The following RSF1 variants were observed in gnomAD, a reference collection of about 807,000 sequenced individuals.
The protein encoded by RSF1 is remodeling and spacing factor 1.
RSF1 carries 13 observed loss-of-function variants against 145.2 expected under a neutral mutation model. The observed-to-expected ratio is 0.09, with a 90% CI of 0.06 to 0.14. The LOEUF (loss-of-function observed/expected upper bound fraction) is 0.14. RSF1 is among the 10% of genes least tolerant of loss of function. The pLI is 1.00. For synonymous variants in RSF1, 577 were observed against 592.6 expected (o/e 0.97, Z 0.38); for missense variants, 1,517 against 1,718.2 (o/e 0.88, Z 2.07).
At chr11:77,819,978 T>C (rs1948835040) in intron 1 of RSF1, among the ~76,000 whole-genome samples, 1 of 151,264 alleles carries the variant, frequency 6.6e-6, no homozygotes, top group Non-Finnish European at 1.5e-5. Context: ...CTCAGGGGAG[T>C]TCCCAACAGA....
chr11:77,869,729 C>T, the RSF1 span: 9 of 1,613,730 alleles, frequency 5.6e-6, no homozygotes, highest in Middle Eastern at 1.6e-4. Flanking sequence ...CAGCATTCTC[C>T]TGGTGTGCAG....
chr11:77,794,242 A>G (rs1211760117), intron 1 of RSF1, among the ~76,000 whole-genome samples: 1 of 152,238 alleles, frequency 6.6e-6, no homozygotes, highest in African/African-American at 2.4e-5. Flanking sequence ...CCTTCTTCTC[A>G]TCAGCACGTG....
intron 5 of RSF1, among the ~76,000 whole-genome samples, chr11:77,719,658 C>T (rs1329052979): frequency 2.6e-5 from 4 of 152,068 alleles, no homozygotes; most frequent in Non-Finnish European, 5.9e-5. Flanking sequence ...TAACATTCAC[C>T]GCTGCATTAT....
rs1959221107 is a variant in RSF1 at position 77,660,436 on chromosome 11, A to T, written c.*6481T>A. ...CCCCCCACCCCCACACACATGCAGT[A>T]CATTATGTGACAGAGAGCACTCCAG... On this transcript the variant is annotated 3_prime_UTR_variant, in exon 16 of 16. Coordinates refer to ENST00000308488, the MANE Select transcript of RSF1 (RefSeq NM_016578.4). The T allele has an allele frequency of 7.1e-6, 1 of 141,062 alleles. No homozygotes were observed. The highest frequency in any genetic ancestry group is 2.5e-5 in the African/African-American group (1 of 39,244). 8.7% of individuals were successfully genotyped at this position (141,062 alleles called of 1,614,324 possible).
intron 1 of RSF1, among the ~76,000 whole-genome samples, chr11:77,774,231 C>T (rs530759899): frequency 1.3e-5 from 2 of 152,072 alleles, no homozygotes; most frequent in East Asian, 3.9e-4. Flanking sequence ...GGAACAGGGA[C>T]AAGAAAATAA....
chr11:77,830,592 A>G, the RSF1 span, among the ~76,000 whole-genome samples: 1 of 150,662 alleles, frequency 6.6e-6, no homozygotes, highest in Non-Finnish European at 1.5e-5. Context: ...CCCTTCTTCC[A>G]AATATACTCT....
At chr11:77,736,840 T>C (rs576687069) in intron 4 of RSF1, among the ~76,000 whole-genome samples, 17 of 152,366 alleles carry the variant, frequency 1.1e-4, no homozygotes, top group Admixed American at 9.1e-4. Flanking sequence ...CTTAGAGCCA[T>C]ACTATTCACT....
At position 77,675,196 on chromosome 11, in the gene RSF1, T is replaced by C; in HGVS notation, c.3402A>G (p.Pro1134=). Residue 1134 remains proline (P), a synonymous_variant, in exon 14 of 16, where the codon CCA becomes CCG. Coordinates refer to ENST00000308488, the MANE Select transcript of RSF1 (RefSeq NM_016578.4). The stretch of plus-strand genomic sequence containing the variant: ...AGTCAGTGTCACTGTCATCATTAGA[T>C]GGCGGATCTTCTTCACTTTCATCTG... ...ENPDESEEDP[P]SNDDSDTDFC... The C allele has an allele frequency of 6.2e-7, 1 of 1,614,160 alleles. No homozygotes were observed. Among genetic ancestry groups the C allele is most frequent in the Non-Finnish European group, 8.5e-7 (1 of 1,180,028 alleles).
At chr11:77,806,962 TAA>T (rs1948683743) in intron 1 of RSF1, among the ~76,000 whole-genome samples, 1 of 152,228 alleles carries the variant, frequency 6.6e-6, no homozygotes, top group Non-Finnish European at 1.5e-5. Flanking sequence ...TACTATATGC[TAA>T]ATACTAGGCT....
At chr11:77,693,763 A>ACATT (rs1960214998) in intron 7 of RSF1, 152 bp from the exon 8 acceptor site, 4 of 265,266 alleles carry the variant, frequency 1.5e-5, no homozygotes, top group Non-Finnish European at 2.7e-5. Flanking sequence ...TAGGGATCTG[A>ACATT]CATTTATTTA....
rs71046904 is a variant in RSF1, at chr11:77,692,233, A to ATTTTTTTTTTTTTTTTTTTTTTTT, written c.2821-1019_2821-996dup. Among the ~76,000 whole-genome samples, 4 of 49,476 alleles carry ATTTTTTTTTTTTTTTTTTTTTTTT rather than the reference A, an allele frequency of 8.1e-5. 1 individual carries two copies. The highest frequency in any genetic ancestry group is 9.8e-5 in the Non-Finnish European group (3 of 30,692). The allele number at this position is 49,476 out of a possible 152,430, so 32.5% of individuals were successfully genotyped here. Reference sequence around the variant, plus strand: ...AAAAAATAATTATTACTACTTTTAAATTTTTTTTTTTTTTTTTTTTTTTTT... The same window carrying ATTTTTTTTTTTTTTTTTTTTTTTT: ...AAAAAATAATTATTACTACTTTTAAATTTTTTTTTTTTTTTTTTTTTTTTTTTTTTTTTTTTTTTTTTTTTTTTT... On this transcript the variant is annotated intron_variant, in intron 8 of 15. Coordinates refer to ENST00000308488, the MANE Select transcript of RSF1 (RefSeq NM_016578.4).
intron 1 of RSF1, among the ~76,000 whole-genome samples, chr11:77,786,082 A>G (rs1172450744): frequency 6.6e-6 from 1 of 152,086 alleles, no homozygotes; most frequent in Non-Finnish European, 1.5e-5. Flanking sequence ...TTATAGGAGG[A>G]TATTACTGTC....
intron 1 of RSF1, among the ~76,000 whole-genome samples, chr11:77,800,384 C>T (rs538163535): frequency 4.0e-5 from 6 of 151,782 alleles, no homozygotes; most frequent in African/African-American, 7.3e-5. Context: ...CCCAGCTTTG[C>T]GGGAGGCTGA....
At chr11:77,869,324 T>C in the RSF1 span, 1 of 166,146 alleles carries the variant, frequency 6.0e-6, no homozygotes, top group Non-Finnish European at 1.3e-5. Context: ...TTTTTTTTTT[T>C]TTTTTTTAGA....
Position 77,702,346 on chromosome 11 carries a change from G to C in RSF1, c.883C>G (p.Leu295Val), listed in dbSNP as rs770331644. 2 of 1,611,418 alleles carry C rather than the reference G, an allele frequency of 1.2e-6. No individual in the cohort carries two copies. Among genetic ancestry groups the C allele is most frequent in the Non-Finnish European group, 8.5e-7 (1 of 1,179,416 alleles). ...ELVKLPVIVK[L>V]EKPLPENEEK... ...TCATTTTCTGGCAAAGGTTTTTCTA[G>C]CTTCACTATGACTGGCAGTTTCACA... Residue 295 changes from leucine to valine, a missense_variant, in exon 6 of 16, where the codon CTA (leucine) becomes GTA (valine). Around this residue, in one of 12 missense-constraint regions of RSF1, gnomAD observed 207 missense variants for 191.4 expected, o/e 1.08. Coordinates refer to ENST00000308488, the MANE Select transcript of RSF1 (RefSeq NM_016578.4).
intron 4 of RSF1, 106 bp from the exon 5 acceptor site, chr11:77,725,805 A>G: frequency 1.1e-6 from 1 of 871,598 alleles, no homozygotes; most frequent in Non-Finnish European, 1.6e-6. Context: ...AAATACATTA[A>G]GAACATCAAA....
intron 4 of RSF1, among the ~76,000 whole-genome samples, chr11:77,730,540 T>C (rs1961180014): frequency 6.6e-6 from 1 of 152,204 alleles, no homozygotes; most frequent in Non-Finnish European, 1.5e-5. Context: ...CTCAATTCCT[T>C]TTCCCCACCA....
intron 1 of RSF1, among the ~76,000 whole-genome samples, chr11:77,808,524 T>C (rs1565187392): frequency 2.0e-5 from 2 of 100,094 alleles, no homozygotes; most frequent in East Asian, 3.2e-4. Flanking sequence ...TCAAATATTA[T>C]ACCTTTTTTT....
intron 1 of RSF1, among the ~76,000 whole-genome samples, chr11:77,779,135 G>A (rs1457404452): frequency 2.6e-5 from 4 of 151,694 alleles, no homozygotes; most frequent in East Asian, 1.9e-4. Context: ...GTAGAGACAC[G>A]GTTTCACCAT....
Sources: gnomAD v4.1 joint callset for allele counts (sites outside exome capture counted in the v4.1 genomes callset) on GRCh38, gnomAD v4.1.1 for gene constraint, gnomAD v4.1.1 regional missense constraint, MANE v1.5 for transcripts, NCBI Gene and HGNC (gene_info 2026-07-23, HGNC 2026-07-21) for gene names.